The following F13A1 variants were observed in gnomAD, a reference collection of about 807,000 sequenced individuals.
The protein encoded by F13A1 is coagulation factor XIII A chain.
F13A1 carries 47 observed loss-of-function variants against 80.1 expected under a neutral mutation model. The observed-to-expected ratio is 0.59, with a 90% CI of 0.46 to 0.75. The LOEUF (loss-of-function observed/expected upper bound fraction) is 0.75. Among genes scored for constraint, F13A1 ranks in the 30% least tolerant of loss-of-function variants. The pLI is 0.00. For synonymous variants in F13A1, 349 were observed against 344.9 expected, an observed-to-expected ratio of 1.01 and a Z score of -0.13; for missense variants, 817 against 930.4, an observed-to-expected ratio of 0.88 and a Z score of 1.59.
chr6:6,176,799 T>C (rs753955314), intron 11 of F13A1, among the ~76,000 whole-genome samples: 31 of 152,058 alleles, frequency 2.0e-4, no homozygotes, highest in Non-Finnish European at 4.0e-4. Flanking sequence ...AGGAGGGAAA[T>C]TCGAGCATCA....
rs535299466 is a variant in F13A1 at position 6,310,730 on chromosome 6, G to A, written c.131-5191C>T. Among the ~76,000 whole-genome samples the A allele has an allele frequency of 8.5e-5, 13 of 152,246 alleles. No homozygotes were observed. The East Asian group carries it at 1.5e-3, about 18-fold the overall frequency. On this transcript the variant is annotated intron_variant, in intron 2 of 14. Coordinates refer to ENST00000264870, the MANE Select transcript of F13A1 (RefSeq NM_000129.4). ...CACCGAGTGCTCTATCCTAGGGCCT[G>A]GTACATGGTAAATGCTCAGAAATTG...
At chr6:6,202,435 G>A (rs550197734) in intron 8 of F13A1, among the ~76,000 whole-genome samples, 1 of 152,328 alleles carries the variant, frequency 6.6e-6, no homozygotes, top group South Asian at 2.1e-4. Context: ...CAGTCATTAG[G>A]AGGTGCTCAG....
At chr6:6,218,379 A>G (rs980760013) in intron 8 of F13A1, among the ~76,000 whole-genome samples, 4 of 152,176 alleles carry the variant, frequency 2.6e-5, no homozygotes, top group Non-Finnish European at 5.9e-5. Flanking sequence ...GACTGCAGCT[A>G]AACATTGAGC....
chr6:6,214,415 G>A (rs1291681088), intron 8 of F13A1, among the ~76,000 whole-genome samples: 17 of 141,866 alleles, frequency 1.2e-4, no homozygotes, highest in African/African-American at 3.5e-4. Flanking sequence ...TGAACAACCT[G>A]CTCCTGAATG....
chr6:6,266,477 G>C, intron 4 of F13A1, 81 bp downstream of exon 4: 2 of 1,602,906 alleles, frequency 1.2e-6, no homozygotes, highest in Non-Finnish European at 1.7e-6. Flanking sequence ...CTCCCAAAGA[G>C]CTGGGAGTAT....
chr6:6,263,681 T>C (rs1432410405), intron 4 of F13A1, among the ~76,000 whole-genome samples: 1 of 152,210 alleles, frequency 6.6e-6, no homozygotes, highest in Non-Finnish European at 1.5e-5. Flanking sequence ...CATTTCTGAA[T>C]GTAACTCTTA....
Position 6,296,888 on chromosome 6 carries a change from A to G in F13A1, c.319+8463T>C, listed in dbSNP as rs972720486. 1.5e-4 allele frequency among the ~76,000 whole-genome samples: 22 copies of G among 148,762 alleles called. 2 individuals are homozygous for G. The highest frequency in any genetic ancestry group is 2.4e-4 in the Non-Finnish European group (16 of 67,886). ...GTATGATATTGGCTGTGGGTTTGTC[A>G]TAGATAGCTCTTATTATTTTGAAAT... On this transcript the variant is annotated intron_variant, in intron 3 of 14. Coordinates refer to ENST00000264870, the MANE Select transcript of F13A1 (RefSeq NM_000129.4).
rs889358025 is a variant in F13A1, at chr6:6,298,682, T to A, written c.319+6669A>T. 1.9e-3 allele frequency among the ~76,000 whole-genome samples: 285 copies of A among 149,980 alleles called. 10 individuals are homozygous for A. The highest frequency in any genetic ancestry group is 7.0e-3 in the African/African-American group (274 of 39,366). ...GGGTTTCCTGAATACAGCACACTGA[T>A]GGGTCTTGACTCTTTATCCAATTTG... On this transcript the variant is annotated intron_variant, in intron 3 of 14. Transcript: ENST00000264870.
rs1252588034 is a variant in F13A1 at position 6,224,787 on chromosome 6, G to A, written c.872C>T (p.Ser291Leu). The change falls in exon 7 of 15, where the codon TCG becomes TTG. Residue 291 changes from serine to leucine, a missense_variant. Ser to Leu is a moderately radical substitution (Grantham distance 145). Coordinates refer to ENST00000264870, the MANE Select transcript of F13A1 (RefSeq NM_000129.4). Reference sequence around the variant, plus strand: ...AATGTCAACGCTTCCAGTCCAGGCCGATGGGGGGACGCCATAGGCATAGAT... The same window carrying A: ...AATGTCAACGCTTCCAGTCCAGGCCAATGGGGGGACGCCATAGGCATAGAT... ...DNIYAYGVPP[S>L]AWTGSVDILL... 6.2e-6 allele frequency: 10 copies of A among 1,613,944 alleles called. No individual in the cohort carries two copies. The highest frequency in any genetic ancestry group is 4.0e-5 in the African/African-American group (3 of 74,916).
At chr6:6,292,169 G>A (rs573068426) in intron 3 of F13A1, among the ~76,000 whole-genome samples, 7 of 152,278 alleles carry the variant, frequency 4.6e-5, no homozygotes, top group Admixed American at 1.3e-4. Context: ...ACAATTAAAT[G>A]GGAGGCATAC....
intron 2 of F13A1, among the ~76,000 whole-genome samples, chr6:6,315,541 G>A (rs915915845): frequency 6.6e-6 from 1 of 151,940 alleles, no homozygotes; most frequent in Non-Finnish European, 1.5e-5. Flanking sequence ...TTAACCAAAT[G>A]TTACCAAAGC....
intron 10 of F13A1, among the ~76,000 whole-genome samples, chr6:6,184,692 G>A (rs1761046286): frequency 6.6e-6 from 1 of 152,184 alleles, no homozygotes; most frequent in African/African-American, 2.4e-5. Flanking sequence ...CCTTATAACA[G>A]CTTGTGGTTT....
chr6:6,201,377 A>G (rs913587550), intron 8 of F13A1, among the ~76,000 whole-genome samples: 6 of 152,196 alleles, frequency 3.9e-5, no homozygotes, highest in African/African-American at 1.4e-4. Context: ...AGGGTCAGGA[A>G]CTTGCAGGCA....
intron 4 of F13A1, among the ~76,000 whole-genome samples, chr6:6,251,422 C>CA (rs1471069633): frequency 3.9e-5 from 6 of 152,174 alleles, no homozygotes; most frequent in Non-Finnish European, 8.8e-5. Flanking sequence ...AGGAGGGAAG[C>CA]AGTAGGTCAT....
chr6:6,298,055 G>A (rs145123028), intron 3 of F13A1, among the ~76,000 whole-genome samples: 5,031 of 146,414 alleles, frequency 0.034, 242 homozygotes, highest in African/African-American at 0.11. Flanking sequence ...TAGTTGAGCC[G>A]TTTTGAGTGA....
intron 3 of F13A1, among the ~76,000 whole-genome samples, chr6:6,283,354 T>C (rs1289866208): frequency 1.3e-5 from 2 of 152,194 alleles, no homozygotes; most frequent in African/African-American, 4.8e-5. Context: ...ATAAGGTACA[T>C]TACTGAACAA....
chr6:6,305,693 C>T (rs766018616), intron 2 of F13A1, 154 bp from the exon 3 acceptor site: 8 of 692,186 alleles, frequency 1.2e-5, no homozygotes, highest in African/African-American at 3.6e-5. Context: ...AACACAGTCT[C>T]GAGAGTCAGC....
chr6:6,254,428 C>T (rs1328213520), intron 4 of F13A1, among the ~76,000 whole-genome samples: 2 of 152,192 alleles, frequency 1.3e-5, no homozygotes, highest in African/African-American at 4.8e-5. Context: ...CATGATATGA[C>T]CATACCAAGC....
chr6:6,181,906 C>G, intron 11 of F13A1, 82 bp downstream of exon 11: 10 of 1,503,792 alleles, frequency 6.6e-6, no homozygotes, highest in Non-Finnish European at 8.3e-6. Flanking sequence ...AGTGCATTCT[C>G]TGGAACTCAT....
Sources: allele counts gnomAD v4.1 joint callset (sites outside exome capture counted in the v4.1 genomes callset), GRCh38; gene constraint gnomAD v4.1.1; transcripts MANE v1.5; gene names NCBI Gene and HGNC (gene_info 2026-07-23, HGNC 2026-07-21).